The following VPS13D variants were observed in gnomAD, a reference collection of about 807,000 sequenced individuals.
The protein encoded by VPS13D is intermembrane lipid transfer protein VPS13D.
A neutral mutation model predicts 461.9 loss-of-function variants in VPS13D; 187 were observed. The ratio of observed to expected loss-of-function variants is 0.40; its 90% CI spans 0.36 to 0.46. VPS13D has a LOEUF of 0.46. VPS13D is among the 20% of genes least tolerant of loss of function. The pLI is 0.60. For synonymous variants in VPS13D, 1,951 were observed against 1,986.3 expected, an observed-to-expected ratio of 0.98 and a Z score of 0.47; for missense variants, 4,711 against 5,364.9, an observed-to-expected ratio of 0.88 and a Z score of 3.81.
At chr1:12,498,836 A>AAGGGTACTAATCCT (rs1645996004) in intron 68 of VPS13D, among the ~76,000 whole-genome samples, 1 of 152,120 alleles carries the variant, frequency 6.6e-6, no homozygotes, top group Admixed American at 6.5e-5. Flanking sequence ...TGTCTCTTAT[A>AAGGGTACTAATCCT]AGGGTACTAA....
rs779593607 is a variant in VPS13D at position 12,266,937 on chromosome 1, C to A, written c.1651C>A (p.Arg551=). 3 of 1,609,520 alleles carry A rather than the reference C, an allele frequency of 1.9e-6. No individual in the cohort carries two copies. The East Asian group carries it at 6.7e-5, about 36-fold the overall frequency. ...PRRNSSLLSV[R]LGGLFLRDLA... is the part of the protein sequence containing the mutation. ...AAGAAATTCCTCGTTGCTTTCAGTC[C>A]GGTTGGGTGGACTGTTTCTTCGAGA... The change falls in exon 14 of 70, where the codon CGG becomes AGG. Residue 551 remains arginine, a synonymous_variant. Transcript: ENST00000620676.
rs1646046339 is a variant in VPS13D, at chr1:12,502,365, T to C, written c.12795-4488T>C. ...AGTGAGGAGGAGGGTTGAGAGTGGC[T>C]TCGGGCTCCTTGCCTGTCTGGTTGA... On this transcript the variant is annotated intron_variant, in intron 68 of 69. Coordinates refer to ENST00000620676, the MANE Select transcript of VPS13D (RefSeq NM_015378.4). This position sits in a 1 kb window ranked among gnomAD's most constrained non-coding sequence, Gnocchi z 4.3. Among the ~76,000 whole-genome samples the C allele has an allele frequency of 6.6e-6, 1 of 152,110 alleles. No homozygotes were observed. Among genetic ancestry groups the C allele is most frequent in the African/African-American group, 2.4e-5 (1 of 41,418 alleles).
At chr1:12,347,885 A>G (rs1286687362) in intron 44 of VPS13D, among the ~76,000 whole-genome samples, 1 of 152,224 alleles carries the variant, frequency 6.6e-6, no homozygotes, top group Non-Finnish European at 1.5e-5. Context: ...TTAGCACAAA[A>G]TGTGTGTTGA....
At chr1:12,230,568 C>G (rs1639930038) in intron 1 of VPS13D, among the ~76,000 whole-genome samples, 1 of 152,130 alleles carries the variant, frequency 6.6e-6, no homozygotes, top group Non-Finnish European at 1.5e-5. Flanking sequence ...AGTGTGCGAG[C>G]CCCCCACATT....
At chr1:12,388,093 A>G (rs1644372291) in intron 60 of VPS13D, among the ~76,000 whole-genome samples, 1 of 152,230 alleles carries the variant, frequency 6.6e-6, no homozygotes, top group South Asian at 2.1e-4. Flanking sequence ...TATTTAAAGT[A>G]AGAGTGAGAT....
In VPS13D at chr1:12,279,178, G is replaced by T. The variant is rs141664634; in HGVS notation, c.4451-321G>T. ...CGGTTTGGAAAATGCCAGCTTGGGT[G>T]GCTCAGAGAAGCATAATGTAGTCTC... On this transcript the variant is annotated intron_variant, in intron 19 of 69. Coordinates refer to ENST00000620676, the MANE Select transcript of VPS13D (RefSeq NM_015378.4). The surrounding 1 kb of genome is among the most constrained non-coding windows in gnomAD (Gnocchi z 4.3). Among the ~76,000 whole-genome samples, 11 of 152,336 alleles carry T rather than the reference G, an allele frequency of 7.2e-5. No homozygotes were observed. The highest frequency in any genetic ancestry group is 2.4e-4 in the African/African-American group (10 of 41,590).
intron 1 of VPS13D, among the ~76,000 whole-genome samples, chr1:12,232,119 C>G (rs554926896): frequency 3.3e-5 from 5 of 152,066 alleles, no homozygotes; most frequent in African/African-American, 1.2e-4. Flanking sequence ...TTATGTAACT[C>G]TACCCTTAAA....
chr1:12,394,289 A>G (rs1644466965), intron 60 of VPS13D, among the ~76,000 whole-genome samples: 4 of 152,194 alleles, frequency 2.6e-5, no homozygotes, highest in South Asian at 4.1e-4. Flanking sequence ...TTCTGCTTGT[A>G]TAAATTAAGT....
At chr1:12,477,036 G>A (rs180841987) in intron 67 of VPS13D, among the ~76,000 whole-genome samples, 2 of 152,358 alleles carry the variant, frequency 1.3e-5, no homozygotes, top group Admixed American at 1.3e-4. Flanking sequence ...CATCAAAGAA[G>A]TCTGCTTCTG....
intron 40 of VPS13D, among the ~76,000 whole-genome samples, chr1:12,341,179 A>G (rs1243078583): frequency 6.6e-6 from 1 of 152,188 alleles, no homozygotes; most frequent in Non-Finnish European, 1.5e-5. Context: ...CCACCTTATA[A>G]TAGATGGTGG....
chr1:12,423,496 T>A (rs1427516194), intron 65 of VPS13D, among the ~76,000 whole-genome samples: 1 of 152,226 alleles, frequency 6.6e-6, no homozygotes, highest in Admixed American at 6.5e-5. Context: ...TATAAGCAAG[T>A]TGAGACCGAG....
chr1:12,440,444 G>A (rs1046334503), intron 65 of VPS13D, among the ~76,000 whole-genome samples: 1 of 151,856 alleles, frequency 6.6e-6, no homozygotes, highest in African/African-American at 2.4e-5. Context: ...TAGATTAAGA[G>A]GAAGAGGCTG....
Position 12,509,062 on chromosome 1 carries a change from A to G in VPS13D, c.*38A>G. ...GAGATGGGCGCTCCCGACACAGCGCAGACCCACCAGGAGGAAAGAGGCCCA... is the reference window on the plus strand; with the variant it reads ...GAGATGGGCGCTCCCGACACAGCGCGGACCCACCAGGAGGAAAGAGGCCCA... On this transcript the variant is annotated 3_prime_UTR_variant, in exon 70 of 70. Transcript: ENST00000620676. The G allele has an allele frequency of 6.2e-7, 1 of 1,602,974 alleles. No individual in the cohort carries two copies. Among genetic ancestry groups the G allele is most frequent in the Non-Finnish European group, 8.5e-7 (1 of 1,175,016 alleles).
chr1:12,459,241 C>T (rs1645371147), intron 66 of VPS13D, among the ~76,000 whole-genome samples: 1 of 152,160 alleles, frequency 6.6e-6, no homozygotes, highest in Admixed American at 6.5e-5. Context: ...GTATTGACTC[C>T]ACACAAATGA....
chr1:12,307,883 A>G (rs144311193), intron 26 of VPS13D, among the ~76,000 whole-genome samples: 1 of 152,210 alleles, frequency 6.6e-6, no homozygotes, highest in African/African-American at 2.4e-5. Flanking sequence ...TTACTCAGGT[A>G]TTTGGTGGGG....
At chr1:12,348,100 A>C (rs1160990325) in intron 44 of VPS13D, among the ~76,000 whole-genome samples, 2 of 152,240 alleles carry the variant, frequency 1.3e-5, no homozygotes, top group African/African-American at 4.8e-5. Context: ...AATATATTTT[A>C]TGACATTTAG....
At chr1:12,363,874 AT>A (rs1643989086) in intron 52 of VPS13D, among the ~76,000 whole-genome samples, 1 of 148,950 alleles carries the variant, frequency 6.7e-6, no homozygotes, top group Non-Finnish European at 1.5e-5. Context: ...AATCGCCTGA[AT>A]CGGGGAGGCG....
chr1:12,280,790 A>G (rs994509857), intron 20 of VPS13D, among the ~76,000 whole-genome samples: 5 of 152,070 alleles, frequency 3.3e-5, no homozygotes. Flanking sequence ...TGCCCGGCCT[A>G]TGTTGACTTA....
chr1:12,309,954 C>A (rs574922792), intron 27 of VPS13D, among the ~76,000 whole-genome samples: 1 of 152,006 alleles, frequency 6.6e-6, no homozygotes, highest in African/African-American at 2.4e-5. Context: ...TTCAGTCTTA[C>A]GTGTTATTCA....
Sources: gnomAD v4.1 joint callset for allele counts (sites outside exome capture counted in the v4.1 genomes callset) on GRCh38, gnomAD v4.1.1 for gene constraint, Gnocchi (gnomAD v3.1) non-coding constraint, MANE v1.5 for transcripts, NCBI Gene and HGNC (gene_info 2026-07-23, HGNC 2026-07-21) for gene names.